Variants in EHD4 observed in about 807,000 individuals in gnomAD.
The protein encoded by EHD4 is EH domain-containing protein 4.
Under a neutral mutation model 51.0 loss-of-function variants are expected in EHD4, and 37 were observed. That is an observed-to-expected ratio of 0.73 (90% CI 0.56 to 0.95). EHD4 has a LOEUF of 0.95. Ranked by LOEUF, EHD4 falls within the 40% of genes least tolerant of loss-of-function variation. EHD4 has a pLI of 0.00. For synonymous variants in EHD4, 297 were observed against 317.3 expected, an observed-to-expected ratio of 0.94 and a Z score of 0.68; for missense variants, 632 against 733.1, an observed-to-expected ratio of 0.86 and a Z score of 1.59.
chr15:41,972,288 C>T lies in EHD4; in HGVS notation c.207G>A (p.Gln69=). The change falls in exon 1 of 6, where the codon CAG becomes CAA. Residue 69 remains glutamine (Q), a synonymous_variant. Coordinates refer to ENST00000220325, the MANE Select transcript of EHD4 (RefSeq NM_139265.4). The part of the protein sequence containing the change: ...ENKPMILLVG[Q]YSTGKTTFIR... The stretch of plus-strand genomic sequence containing the variant: ...TGAAGGTGGTCTTGCCGGTGCTGTA[C>T]TGGCCCACCAGCAGGATCATGGGCT... 1 of 1,609,170 alleles carries T rather than the reference C, an allele frequency of 6.2e-7. No homozygotes were observed. Among genetic ancestry groups the T allele is most frequent in the Non-Finnish European group, 8.5e-7 (1 of 1,178,086 alleles).
chr15:41,959,912 G>A (rs2067913801), intron 1 of EHD4, among the ~76,000 whole-genome samples: 1 of 150,462 alleles, frequency 6.6e-6, no homozygotes, highest in Non-Finnish European at 1.5e-5. Context: ...GGAGGTTGCA[G>A]TGAGCCAAAA....
At chr15:41,912,903 ATGACTCCC>A (rs922789606) in intron 4 of EHD4, among the ~76,000 whole-genome samples, 1 of 152,170 alleles carries the variant, frequency 6.6e-6, no homozygotes. Flanking sequence ...TAAAGAACTA[ATGACTCCC>A]TGTGGGTATG....
At chr15:41,964,770 A>ATATAT (rs201079021) in intron 1 of EHD4, among the ~76,000 whole-genome samples, 1 of 141,658 alleles carries the variant, frequency 7.1e-6, no homozygotes, top group African/African-American at 2.6e-5. Flanking sequence ...AAAAAAAAAA[A>ATATAT]AAATATATAT....
intron 4 of EHD4, among the ~76,000 whole-genome samples, chr15:41,911,064 A>G (rs1387511165): frequency 6.6e-6 from 1 of 152,250 alleles, no homozygotes; most frequent in African/African-American, 2.4e-5. Flanking sequence ...GATACATTCC[A>G]TAGCTCAGCT....
chr15:41,905,542 C>T (rs1403444571), intron 5 of EHD4, among the ~76,000 whole-genome samples: 2 of 152,152 alleles, frequency 1.3e-5, no homozygotes, highest in African/African-American at 4.8e-5. Context: ...CACAGACTTA[C>T]GTGGGAGAGA....
rs764761753 is a variant in EHD4 at position 41,972,400 on chromosome 15, T to C, written c.95A>G (p.Tyr32Cys). 2 of 1,610,304 alleles carry C rather than the reference T, an allele frequency of 1.2e-6. No homozygotes were observed. The highest frequency in any genetic ancestry group is 1.7e-6 in the Non-Finnish European group (2 of 1,178,730). Residue 32 changes from tyrosine to cysteine, a missense_variant, in exon 1 of 6, where the codon TAC (tyrosine) becomes TGC (cysteine). Coordinates refer to ENST00000220325, the MANE Select transcript of EHD4 (RefSeq NM_139265.4). ...QTVTGGLRSL[Y>C]LRKVLPLEEA... ...CTCCAGCGGCAGCACCTTGCGCAGG[T>C]AGAGCGAGCGCAGCCCGCCCGTCAC...
intron 4 of EHD4, among the ~76,000 whole-genome samples, 173 bp downstream of exon 4, chr15:41,919,037 C>T (rs1280027031): frequency 6.6e-6 from 1 of 152,234 alleles, no homozygotes; most frequent in African/African-American, 2.4e-5. Context: ...AGTGCAGAGC[C>T]AGGAGCTAGG....
intron 3 of EHD4, among the ~76,000 whole-genome samples, chr15:41,936,695 T>G (rs1274728442): frequency 1.3e-5 from 2 of 152,204 alleles, no homozygotes; most frequent in African/African-American, 4.8e-5. Flanking sequence ...ATAATGCATT[T>G]GATGTATTAA....
At chr15:41,920,546 G>A (rs970876811) in intron 3 of EHD4, among the ~76,000 whole-genome samples, 3 of 152,246 alleles carry the variant, frequency 2.0e-5, no homozygotes, top group Non-Finnish European at 4.4e-5. Flanking sequence ...GCTAGGGGTC[G>A]TCTCCCCTCT....
intron 2 of EHD4, among the ~76,000 whole-genome samples, chr15:41,951,530 A>G (rs1323189134): frequency 6.6e-6 from 1 of 151,312 alleles, no homozygotes; most frequent in Admixed American, 6.6e-5. Flanking sequence ...GCCAATAACC[A>G]CTCTTCCTGG....
intron 3 of EHD4, among the ~76,000 whole-genome samples, chr15:41,940,566 T>G (rs1489945511): frequency 6.6e-6 from 1 of 152,238 alleles, no homozygotes; most frequent in Non-Finnish European, 1.5e-5. Context: ...CCCGTCGTGC[T>G]GTCATCGCTT....
intron 2 of EHD4, among the ~76,000 whole-genome samples, chr15:41,947,433 C>T (rs1416476065): frequency 1.3e-5 from 2 of 152,264 alleles, no homozygotes; most frequent in East Asian, 1.9e-4. Flanking sequence ...ACCAGGCCTG[C>T]GGACTTCCAG....
chr15:41,924,094 T>C (rs554816852), intron 3 of EHD4, among the ~76,000 whole-genome samples: 15 of 152,368 alleles, frequency 9.8e-5, no homozygotes, highest in African/African-American at 3.1e-4. Flanking sequence ...TGAGACTTTG[T>C]TAACTTTCAG....
At chr15:41,924,347 T>C (rs1040098178) in intron 3 of EHD4, among the ~76,000 whole-genome samples, 9 of 152,224 alleles carry the variant, frequency 5.9e-5, no homozygotes, top group African/African-American at 2.2e-4. Flanking sequence ...GCTCCATCAC[T>C]TACTAATTCT....
intron 4 of EHD4, among the ~76,000 whole-genome samples, chr15:41,910,234 G>A (rs747031547): frequency 5.3e-5 from 8 of 152,190 alleles, no homozygotes; most frequent in Admixed American, 2.6e-4. Flanking sequence ...TGAAACTGGA[G>A]GCTGGCATCA....
At chr15:41,944,472 A>C (rs1377127336) in intron 2 of EHD4, among the ~76,000 whole-genome samples, 1 of 152,196 alleles carries the variant, frequency 6.6e-6, no homozygotes, top group Non-Finnish European at 1.5e-5. Context: ...TCACAAAGTA[A>C]AAATGCTGGG....
intron 4 of EHD4, 68 bp from the exon 5 acceptor site, chr15:41,909,931 T>G (rs2067538098): frequency 3.8e-6 from 6 of 1,587,078 alleles, no homozygotes; most frequent in Non-Finnish European, 5.2e-6. Context: ...CAAACAAGAT[T>G]GCATCTTAAC....
At chr15:41,911,686 C>G (rs2067550526) in intron 4 of EHD4, among the ~76,000 whole-genome samples, 2 of 152,164 alleles carry the variant, frequency 1.3e-5, no homozygotes, top group Admixed American at 1.3e-4. Context: ...CAGGCTCACC[C>G]CACCCTGGAG....
intron 2 of EHD4, among the ~76,000 whole-genome samples, chr15:41,952,362 T>A (rs975265928): frequency 2.0e-5 from 3 of 151,970 alleles, no homozygotes; most frequent in African/African-American, 7.3e-5. Context: ...GCTCTGTGCC[T>A]CCTACAACCC....
Sources: allele counts gnomAD v4.1 joint callset (sites outside exome capture counted in the v4.1 genomes callset), GRCh38; gene constraint gnomAD v4.1.1; transcripts MANE v1.5; gene names NCBI Gene and HGNC (gene_info 2026-07-23, HGNC 2026-07-21).